Variants in ECT2L observed in about 807,000 individuals in gnomAD.
ECT2L encodes the protein epithelial cell-transforming sequence 2 oncogene-like.
In ECT2L, 126 loss-of-function variants were observed where a neutral mutation model predicts 122.8. The observed-to-expected ratio is 1.03, with a 90% CI of 0.89 to 1.19. The LOEUF is 1.19. ECT2L is among the 50% of genes most tolerant of loss of function. The probability of loss-of-function intolerance (pLI) is 0.00; values close to 1 mark genes in which losing one functional copy is unlikely to be tolerated. For synonymous variants in ECT2L, 385 were observed against 381.8 expected (o/e 1.01, Z -0.10); for missense variants, 1,012 against 1,064.1 (o/e 0.95, Z 0.68).
rs1778799874 is a variant in ECT2L at position 138,885,741 on chromosome 6, A to G, written c.2170A>G (p.Arg724Gly). 1.2e-6 allele frequency: 2 copies of G among 1,614,208 alleles called. No homozygotes were observed. The highest frequency in any genetic ancestry group is 1.7e-6 in the Non-Finnish European group (2 of 1,180,032). Residue 724 changes from arginine to glycine, a missense_variant, in exon 18 of 22, where the codon AGG becomes GGG. Transcript: ENST00000541398. ...EEYLNLLYAVRLHTPAEHVDR... is the reference protein window; with the variant it reads ...EEYLNLLYAVGLHTPAEHVDR... Reference sequence around the variant, plus strand: ...ATACCTTAATCTTCTCTACGCTGTCAGGCTTCATACCCCTGCAGAGCATGT... The same window carrying G: ...ATACCTTAATCTTCTCTACGCTGTCGGGCTTCATACCCCTGCAGAGCATGT...
chr6:138,888,317 C>CTTTCTTT (rs1253741376), intron 19 of ECT2L, among the ~76,000 whole-genome samples: 10 of 128,634 alleles, frequency 7.8e-5, no homozygotes, highest in African/African-American at 1.2e-4. Context: ...TTTTTCTTTT[C>CTTTCTTT]TTTTTTTTTT....
intron 21 of ECT2L, among the ~76,000 whole-genome samples, chr6:138,901,820 A>G (rs1035533282): frequency 2.6e-5 from 4 of 152,242 alleles, no homozygotes; most frequent in Non-Finnish European, 4.4e-5. Context: ...GCATGTAAAG[A>G]CAGGACTTTG....
At chr6:138,822,657 G>A (rs1359092669) in intron 4 of ECT2L, 2 of 1,148,772 alleles carry the variant, frequency 1.7e-6, no homozygotes, top group African/African-American at 1.6e-5. Context: ...GAGCCAAGAT[G>A]GCCGAATAGG....
At chr6:138,882,217 G>A (rs1778668109) in intron 15 of ECT2L, among the ~76,000 whole-genome samples, 1 of 152,172 alleles carries the variant, frequency 6.6e-6, no homozygotes, top group African/African-American at 2.4e-5. Context: ...AGGTAACTTG[G>A]AACAAGTTCT....
Position 138,846,670 on chromosome 6 carries a change from C to T in ECT2L, c.896C>T (p.Ala299Val), listed in dbSNP as rs201070842. 157 of 1,595,954 alleles carry T rather than the reference C, an allele frequency of 9.8e-5. No homozygotes were observed. Among genetic ancestry groups the T allele is most frequent in the Non-Finnish European group, 1.3e-4 (153 of 1,172,584 alleles). The change falls in exon 8 of 22, where the codon GCG becomes GTG. Residue 299 changes from alanine to valine, a missense_variant. Physicochemically the swap from Ala to Val is moderately conservative, Grantham distance 64 (BLOSUM62 0). Transcript: ENST00000541398. ...HFMLISSRIPAYEMVMESVKA... is the reference protein window; with the variant it reads ...HFMLISSRIPVYEMVMESVKA... ...ATGTTAATATCATCCCGGATTCCTG[C>T]GTATGAGGTAGAGTATGTTATGAGG...
intron 13 of ECT2L, among the ~76,000 whole-genome samples, chr6:138,875,594 T>C (rs965811272): frequency 8.5e-5 from 13 of 152,126 alleles, no homozygotes; most frequent in African/African-American, 3.1e-4. Context: ...TTTAAAAAAA[T>C]GTGCTAAGTT....
intron 20 of ECT2L, among the ~76,000 whole-genome samples, chr6:138,890,444 A>G (rs1778975476): frequency 6.8e-6 from 1 of 147,890 alleles, no homozygotes; most frequent in Non-Finnish European, 1.5e-5. Flanking sequence ...ATCAAATCAC[A>G]CAATATGTCA....
intron 1 of ECT2L, among the ~76,000 whole-genome samples, chr6:138,800,820 A>G (rs1437290664): frequency 6.6e-6 from 1 of 152,254 alleles, no homozygotes. Flanking sequence ...GGTAATTTAT[A>G]AAGAATAGGA....
At chr6:138,873,900 G>GTGTGTA (rs1554277036) in intron 13 of ECT2L, among the ~76,000 whole-genome samples, 11 of 150,868 alleles carry the variant, frequency 7.3e-5, no homozygotes, top group Admixed American at 1.3e-4. Flanking sequence ...GTGTGTGTGT[G>GTGTGTA]TGTGTGTGTG....
intron 12 of ECT2L, among the ~76,000 whole-genome samples, chr6:138,866,769 T>C (rs1012714861): frequency 2.0e-5 from 3 of 152,240 alleles, no homozygotes; most frequent in African/African-American, 7.2e-5. Context: ...TACTTTGGAC[T>C]TTAAAATATT....
intron 1 of ECT2L, among the ~76,000 whole-genome samples, chr6:138,799,319 T>C (rs1301776632): frequency 6.6e-6 from 1 of 152,010 alleles, no homozygotes; most frequent in Non-Finnish European, 1.5e-5. Context: ...AGTGGCACGA[T>C]CTCGGCTCAC....
chr6:138,838,054 C>G (rs777238185), intron 4 of ECT2L, among the ~76,000 whole-genome samples: 1 of 152,052 alleles, frequency 6.6e-6, no homozygotes, highest in African/African-American at 2.4e-5. Context: ...GCACGCACCA[C>G]CATACTCAGC....
chr6:138,799,420 A>T (rs1042051714), intron 1 of ECT2L, among the ~76,000 whole-genome samples: 1 of 150,556 alleles, frequency 6.6e-6, no homozygotes, highest in Non-Finnish European at 1.5e-5. Context: ...CGCCCGGCTT[A>T]TTTTTTTTGC....
At chr6:138,829,731 C>CA (rs543020714) in intron 4 of ECT2L, among the ~76,000 whole-genome samples, 1 of 149,808 alleles carries the variant, frequency 6.7e-6, no homozygotes, top group Non-Finnish European at 1.5e-5. Context: ...TTTTTTTTTC[C>CA]TTTTTTTTTG....
intron 9 of ECT2L, among the ~76,000 whole-genome samples, chr6:138,851,801 G>A (rs1330344907): frequency 6.6e-6 from 1 of 152,062 alleles, no homozygotes; most frequent in Non-Finnish European, 1.5e-5. Context: ...ACACTTTGAT[G>A]CACAAAAGTT....
At chr6:138,806,773 A>G (rs1281363364) in intron 1 of ECT2L, among the ~76,000 whole-genome samples, 1 of 151,912 alleles carries the variant, frequency 6.6e-6, no homozygotes, top group African/African-American at 2.4e-5. Context: ...TCGGCCTCCC[A>G]AAGTGCTGGG....
intron 14 of ECT2L, 80 bp from the exon 15 acceptor site, chr6:138,880,877 G>C (rs1157050): frequency 0.59 from 736,275 of 1,240,476 alleles, 219,514 homozygotes; most frequent in Admixed American, 0.66. Context: ...ACCAGCAAGG[G>C]GGGTCTCCGT....
intron 9 of ECT2L, 43 bp downstream of exon 9, chr6:138,849,477 G>A (rs761059160): frequency 5.1e-6 from 8 of 1,553,578 alleles, no homozygotes; most frequent in African/African-American, 4.1e-5. Context: ...GGAACTTCGC[G>A]CTGTGCACTT....
rs754502435 is a variant in ECT2L, at chr6:138,865,113, C to G, written c.1409C>G (p.Thr470Arg). The stretch of plus-strand genomic sequence containing the variant: ...GACTTCCTAGAAGAAACCTTGAAAA[C>G]AGTAAGGAAGCAGCTGTATCCTTTC... ...FTDFLEETLKTVRKQLYPFFK... is the reference protein window; with the variant it reads ...FTDFLEETLKRVRKQLYPFFK... Residue 470 changes from threonine to arginine, a missense_variant, in exon 12 of 22, where the codon ACA (threonine) becomes AGA (arginine). Physicochemically the swap from Thr to Arg is moderately conservative, Grantham distance 71. Transcript: ENST00000541398. The G allele has an allele frequency of 1.2e-5, 20 of 1,613,906 alleles. No individual in the cohort carries two copies. In the South Asian group the frequency reaches 1.9e-4, roughly 15 times the overall value.
Sources: allele counts gnomAD v4.1 joint callset (sites outside exome capture counted in the v4.1 genomes callset), GRCh38; gene constraint gnomAD v4.1.1; transcripts MANE v1.5; gene names NCBI Gene and HGNC (gene_info 2026-07-23, HGNC 2026-07-21).